The following TBC1D5 variants were observed in gnomAD, a reference collection of about 807,000 sequenced individuals.
TBC1D5 encodes the protein TBC1 domain family, member 5.
A neutral mutation model predicts 100.3 loss-of-function variants in TBC1D5; 75 were observed. The observed-to-expected ratio is 0.75, with a 90% CI of 0.62 to 0.91. The LOEUF (loss-of-function observed/expected upper bound fraction) is 0.91. TBC1D5 is among the 40% of genes least tolerant of loss of function. TBC1D5 has a pLI of 0.00. For synonymous variants in TBC1D5, 323 were observed against 325.6 expected, an observed-to-expected ratio of 0.99 and a Z score of 0.09; for missense variants, 910 against 942.4, an observed-to-expected ratio of 0.97 and a Z score of 0.45.
Position 17,299,731 on chromosome 3 carries a change from C to T in TBC1D5, c.1139-7730G>A, listed in dbSNP as rs375628001. On this transcript the variant is annotated intron_variant, in intron 14 of 21. Coordinates refer to ENST00000253692, the Ensembl canonical transcript of TBC1D5. ...AAAATTAGCTGGATGTGGTGGCGGG[C>T]GCCTGTAGTCCCAGCTATTCAGGAG... Among the ~76,000 whole-genome samples the T allele has an allele frequency of 1.0e-3, 157 of 151,922 alleles. 2 individuals are homozygous for T. The East Asian group carries it at 0.023, about 22-fold the overall frequency.
chr3:17,571,290 G>A (rs926274176), intron 2 of TBC1D5, among the ~76,000 whole-genome samples: 4 of 151,964 alleles, frequency 2.6e-5, no homozygotes, highest in Non-Finnish European at 4.4e-5. Flanking sequence ...TTATGGCTGT[G>A]ATTCTATGAT....
chr3:17,470,507 A>G (rs1308388684), intron 3 of TBC1D5, among the ~76,000 whole-genome samples: 1 of 152,260 alleles, frequency 6.6e-6, no homozygotes, highest in African/African-American at 2.4e-5. Flanking sequence ...ATTTCTATAA[A>G]TCAATCTATA....
At chr3:17,654,997 A>G (rs13064990) in intron 1 of TBC1D5, among the ~76,000 whole-genome samples, 74,016 of 147,146 alleles carry the variant, frequency 0.5, 19,867 homozygotes, top group East Asian at 0.97. Context: ...CTGTGGGATC[A>G]GTGGTGATAT....
At chr3:17,469,887 C>G (rs2095353073) in intron 3 of TBC1D5, among the ~76,000 whole-genome samples, 1 of 152,228 alleles carries the variant, frequency 6.6e-6, no homozygotes, top group Non-Finnish European at 1.5e-5. Context: ...ATATAACTTA[C>G]TGTACAGGAA....
intron 18 of TBC1D5, among the ~76,000 whole-genome samples, chr3:17,200,348 G>A (rs965758712): frequency 1.3e-5 from 2 of 152,234 alleles, no homozygotes; most frequent in Non-Finnish European, 2.9e-5. Context: ...ATGCTGCACA[G>A]TAGGAGGTGA....
intron 8 of TBC1D5, among the ~76,000 whole-genome samples, chr3:17,400,587 T>C (rs960750706): frequency 6.6e-6 from 1 of 152,064 alleles, no homozygotes; most frequent in African/African-American, 2.4e-5. Flanking sequence ...GTCAACTTGA[T>C]TGGACTGAGG....
intron 4 of TBC1D5, among the ~76,000 whole-genome samples, chr3:17,411,061 G>A (rs1176635640): frequency 6.6e-6 from 1 of 152,148 alleles, no homozygotes; most frequent in South Asian, 2.1e-4. Context: ...ATACTTCACT[G>A]TTGTGTTTTT....
chr3:17,366,618 A>C (rs765393735), intron 13 of TBC1D5, among the ~76,000 whole-genome samples: 4 of 152,162 alleles, frequency 2.6e-5, no homozygotes, highest in Non-Finnish European at 5.9e-5. Context: ...TTGAAAAGAA[A>C]GGAATATCTC....
At chr3:17,298,514 G>A (rs1288875660) in intron 14 of TBC1D5, among the ~76,000 whole-genome samples, 2 of 152,148 alleles carry the variant, frequency 1.3e-5, no homozygotes, top group African/African-American at 4.8e-5. Context: ...ATATGTGGAA[G>A]CAAACAAAGG....
At chr3:17,606,510 C>T (rs1479989537) in intron 2 of TBC1D5, among the ~76,000 whole-genome samples, 1 of 151,848 alleles carries the variant, frequency 6.6e-6, no homozygotes, top group African/African-American at 2.4e-5. Flanking sequence ...ATATATAAAG[C>T]AAGAATAGTG....
At chr3:17,371,955 T>G in intron 13 of TBC1D5, 120 bp downstream of exon 13, 1 of 919,258 alleles carries the variant, frequency 1.1e-6, no homozygotes, top group Non-Finnish European at 1.5e-6. Context: ...GAGGATCGCT[T>G]GAGCCCAGGG....
intron 2 of TBC1D5, among the ~76,000 whole-genome samples, chr3:17,543,424 G>C (rs964367419): frequency 6.6e-6 from 1 of 152,104 alleles, no homozygotes; most frequent in Admixed American, 6.6e-5. Flanking sequence ...CTTGAGGTCA[G>C]GAGTTCGAAA....
chr3:17,165,165 G>A (rs536989792), intron 21 of TBC1D5, among the ~76,000 whole-genome samples: 7 of 152,118 alleles, frequency 4.6e-5, no homozygotes, highest in Non-Finnish European at 7.4e-5. Flanking sequence ...GCTTATCTTG[G>A]GTATGCACAG....
At chr3:17,594,874 T>C (rs555772888) in intron 2 of TBC1D5, among the ~76,000 whole-genome samples, 3 of 152,290 alleles carry the variant, frequency 2.0e-5, no homozygotes, top group African/African-American at 7.2e-5. Context: ...AGTGTCAACT[T>C]GATTAAAATG....
intron 1 of TBC1D5, among the ~76,000 whole-genome samples, chr3:17,667,444 T>A (rs911300482): frequency 1.3e-5 from 2 of 152,138 alleles, no homozygotes; most frequent in Admixed American, 6.6e-5. Flanking sequence ...AAGAATCCAC[T>A]AAGAAAAAAT....
intron 17 of TBC1D5, among the ~76,000 whole-genome samples, chr3:17,231,970 G>A (rs2075461019): frequency 6.6e-6 from 1 of 152,060 alleles, no homozygotes; most frequent in South Asian, 2.1e-4. Flanking sequence ...CTAAAGCAAA[G>A]GTAATGCCCA....
At chr3:17,406,550 G>T in intron 4 of TBC1D5, 24 bp from the exon 5 acceptor site, 1 of 1,587,070 alleles carries the variant, frequency 6.3e-7, no homozygotes. Flanking sequence ...ACCAAAGCAT[G>T]AGAATCCTTT....
intron 3 of TBC1D5, among the ~76,000 whole-genome samples, chr3:17,445,671 A>G (rs932806826): frequency 6.6e-6 from 1 of 152,208 alleles, no homozygotes; most frequent in Non-Finnish European, 1.5e-5. Context: ...ATAAAAGGAT[A>G]TTGTTATAAC....
intron 13 of TBC1D5, among the ~76,000 whole-genome samples, chr3:17,348,496 T>C (rs2090180332): frequency 6.6e-6 from 1 of 152,206 alleles, no homozygotes; most frequent in African/African-American, 2.4e-5. Flanking sequence ...TAGTAAGGGA[T>C]GAAGAAATGC....
Sources: gnomAD v4.1 joint callset for allele counts (sites outside exome capture counted in the v4.1 genomes callset) on GRCh38, gnomAD v4.1.1 for gene constraint, MANE v1.5 for transcripts, NCBI Gene and HGNC (gene_info 2026-07-23, HGNC 2026-07-21) for gene names.